The following THSD4 variants were observed in gnomAD, a reference collection of about 807,000 sequenced individuals.
THSD4 encodes thrombospondin type 1 domain containing 4.
THSD4 carries 69 observed loss-of-function variants against 119.0 expected under a neutral mutation model. The observed-to-expected ratio is 0.58, with a 90% CI of 0.48 to 0.71. The LOEUF (loss-of-function observed/expected upper bound fraction) is 0.71. Ranked by LOEUF, THSD4 falls within the 30% of genes least tolerant of loss-of-function variation. THSD4 has a pLI of 0.00. For missense variants in THSD4, 1,393 were observed against 1,391.1 expected, an observed-to-expected ratio of 1.00 and a Z score of -0.02; for synonymous variants, 524 against 540.4, an observed-to-expected ratio of 0.97 and a Z score of 0.42.
intron 6 of THSD4, among the ~76,000 whole-genome samples, chr15:71,278,513 T>C (rs2140311330): frequency 6.6e-6 from 1 of 152,320 alleles, no homozygotes; most frequent in East Asian, 1.9e-4. Flanking sequence ...TCAACAGAAG[T>C]TGCAACTCAA....
chr15:71,442,658 G>GTATGTATGTA lies in THSD4; in HGVS notation c.1152+30836_1152+30837insATGTATGTAT, dbSNP rs1555414314. Reference sequence around the variant, plus strand: ...TGTGTGTGTATATGTGTGTGTGTGTGTGTATATATATATATATATATATAT... The same window carrying GTATGTATGTA: ...TGTGTGTGTATATGTGTGTGTGTGTGTATGTATGTATGTATATATATATATATATATATAT... On this transcript the variant is annotated intron_variant, in intron 7 of 17. Coordinates refer to ENST00000261862, the MANE Select transcript of THSD4 (RefSeq NM_024817.3). Among the ~76,000 whole-genome samples, 19 of 31,342 alleles carry GTATGTATGTA rather than the reference G, an allele frequency of 6.1e-4. 1 individual carries two copies. The highest frequency in any genetic ancestry group is 0.048 in the Middle Eastern group (2 of 42). The allele number at this position is 31,342 out of a possible 152,430, so 20.6% of individuals were successfully genotyped here.
intron 6 of THSD4, among the ~76,000 whole-genome samples, chr15:71,365,744 C>T (rs758001799): frequency 1.2e-4 from 18 of 152,134 alleles, no homozygotes; most frequent in Non-Finnish European, 2.6e-4. Context: ...CTCCCTCTCT[C>T]TCTCATTGTC....
At position 71,542,653 on chromosome 15, in the gene THSD4, G is replaced by A. The variant is rs567967459; in HGVS notation, c.1153-117877G>A. On this transcript the variant is annotated intron_variant, in intron 7 of 17. Transcript: ENST00000261862. ...AGCACTTTGGGAGGCCGAGGTAGGC[G>A]GATCATGAGGTCAGGAGATGGAGAC... Among the ~76,000 whole-genome samples the A allele has an allele frequency of 3.3e-5, 5 of 152,166 alleles. No homozygotes were observed. In the East Asian group the frequency reaches 5.8e-4, roughly 18 times the overall value.
intron 3 of THSD4, among the ~76,000 whole-genome samples, chr15:71,182,030 A>G (rs997569841): frequency 6.6e-6 from 1 of 152,224 alleles, no homozygotes; most frequent in African/African-American, 2.4e-5. Context: ...TGGAGACACA[A>G]GGATAACTGG....
intron 6 of THSD4, among the ~76,000 whole-genome samples, chr15:71,363,677 G>C (rs1439751607): frequency 6.6e-6 from 1 of 152,196 alleles, no homozygotes; most frequent in African/African-American, 2.4e-5. Flanking sequence ...GTTACAACTG[G>C]TTCAAAGGAG....
intron 7 of THSD4, among the ~76,000 whole-genome samples, chr15:71,577,196 T>C (rs1331576105): frequency 6.6e-6 from 1 of 152,168 alleles, no homozygotes. Context: ...GAAGGAAATT[T>C]TGTTTTGTAT....
chr15:71,225,279 G>A (rs1410520260), intron 4 of THSD4, among the ~76,000 whole-genome samples: 2 of 151,934 alleles, frequency 1.3e-5, no homozygotes, highest in Non-Finnish European at 2.9e-5. Flanking sequence ...AAAGAGCTTT[G>A]TATCCCAAGT....
chr15:71,405,038 G>A (rs532930277), intron 6 of THSD4, among the ~76,000 whole-genome samples: 3 of 152,102 alleles, frequency 2.0e-5, no homozygotes, highest in African/African-American at 4.8e-5. Context: ...ACAGATGTGC[G>A]CAACCATGCC....
In THSD4 at chr15:71,781,310, A is replaced by G. The variant is rs2053994868; in HGVS notation, c.*3936A>G. 6.5e-6 allele frequency: 1 copy of G among 154,424 alleles called. No homozygotes were observed. The highest frequency in any genetic ancestry group is 2.4e-5 in the African/African-American group (1 of 41,452). 9.6% of individuals were successfully genotyped at this position (154,424 alleles called of 1,614,324 possible). A position where few individuals can be genotyped will look rare whatever the true frequency, so the allele number is the denominator to read the frequency against. ...TACTATATTTGGGCTAAAATGAAAA[A>G]CTAAATACAAGGTGGGAGAGAGGCA... On this transcript the variant is annotated 3_prime_UTR_variant, in exon 18 of 18. Coordinates refer to ENST00000261862, the MANE Select transcript of THSD4 (RefSeq NM_024817.3).
intron 6 of THSD4, among the ~76,000 whole-genome samples, chr15:71,302,462 T>A (rs145935692): frequency 1.0e-3 from 157 of 152,222 alleles, no homozygotes; most frequent in African/African-American, 3.3e-3. Context: ...TCTGGGTTGC[T>A]GCTCAGAGCC....
At chr15:71,191,859 C>A (rs2043674541) in intron 3 of THSD4, among the ~76,000 whole-genome samples, 1 of 151,866 alleles carries the variant, frequency 6.6e-6, no homozygotes, top group Admixed American at 6.6e-5. Context: ...ATCTGATACC[C>A]CAAGGGCAGC....
chr15:71,151,553 T>C (rs936942741), intron 2 of THSD4, among the ~76,000 whole-genome samples: 5 of 152,154 alleles, frequency 3.3e-5, no homozygotes, highest in African/African-American at 1.2e-4. Flanking sequence ...ATGAGGAAAC[T>C]GAGGCACAGA....
intron 7 of THSD4, among the ~76,000 whole-genome samples, chr15:71,445,552 A>G (rs557073656): frequency 4.3e-4 from 65 of 152,298 alleles, no homozygotes; most frequent in South Asian, 1.0e-3. Flanking sequence ...TCACAACCTC[A>G]GAGTGCAGAT....
At chr15:71,529,236 G>C (rs1184836011) in intron 7 of THSD4, among the ~76,000 whole-genome samples, 1 of 152,196 alleles carries the variant, frequency 6.6e-6, no homozygotes, top group African/African-American at 2.4e-5. Flanking sequence ...ACCCTAGCAA[G>C]AAATAAGCTC....
chr15:71,214,955 A>G, intron 3 of THSD4, 80 bp from the exon 4 acceptor site: 5 of 1,214,690 alleles, frequency 4.1e-6, no homozygotes, highest in Non-Finnish European at 5.2e-6. Context: ...TGCCTGATGG[A>G]TAAGTCGACC....
intron 3 of THSD4, among the ~76,000 whole-genome samples, chr15:71,210,764 G>GA (rs1196494430): frequency 1.8e-4 from 28 of 152,088 alleles, no homozygotes; most frequent in African/African-American, 6.7e-4. Flanking sequence ...TTAATATAGT[G>GA]AAAAAATATA....
chr15:71,524,587 CTTTTTTTT>C (rs71438517), intron 7 of THSD4, among the ~76,000 whole-genome samples: 2 of 59,506 alleles, frequency 3.4e-5, no homozygotes, highest in East Asian at 1.5e-3. Flanking sequence ...GTTTATGCCT[CTTTTTTTT>C]TTTTTTTTTT....
chr15:71,402,865 G>T (rs932350841), intron 6 of THSD4, among the ~76,000 whole-genome samples: 10 of 152,154 alleles, frequency 6.6e-5, no homozygotes, highest in African/African-American at 2.4e-4. Flanking sequence ...CCTGAAATCT[G>T]ACTTTCCCTG....
intron 7 of THSD4, among the ~76,000 whole-genome samples, chr15:71,642,492 C>T (rs559324621): frequency 0.012 from 1,833 of 152,234 alleles, 35 homozygotes; most frequent in African/African-American, 0.042. Flanking sequence ...TATAAAGACA[C>T]ATGCACACGT....
Sources: allele counts gnomAD v4.1 joint callset (sites outside exome capture counted in the v4.1 genomes callset), GRCh38; gene constraint gnomAD v4.1.1; transcripts MANE v1.5; gene names NCBI Gene and HGNC (gene_info 2026-07-23, HGNC 2026-07-21).